Variants in RSU1 observed in about 807,000 individuals in gnomAD.
RSU1 encodes the protein Ras suppressor protein 1, also known as rsu-1.
A neutral mutation model predicts 31.1 loss-of-function variants in RSU1; 26 were observed. The observed-to-expected ratio is 0.84, with a 90% CI of 0.61 to 1.16. The LOEUF (loss-of-function observed/expected upper bound fraction) is 1.16. Ranked by LOEUF, RSU1 falls within the 50% of genes most tolerant of loss-of-function variation. The probability of loss-of-function intolerance (pLI) is 0.00; values close to 1 mark genes in which losing one functional copy is unlikely to be tolerated. For synonymous variants in RSU1, 164 were observed against 136.3 expected, an observed-to-expected ratio of 1.20 and a Z score of -1.41; for missense variants, 320 against 339.1, an observed-to-expected ratio of 0.94 and a Z score of 0.44.
chr10:16,674,371 A>T (rs1835181698), intron 8 of RSU1, among the ~76,000 whole-genome samples: 1 of 151,912 alleles, frequency 6.6e-6, no homozygotes, highest in South Asian at 2.1e-4. Context: ...GGAAACACTG[A>T]AAATGTGTCA....
At chr10:16,700,224 C>T (rs188075647) in intron 7 of RSU1, among the ~76,000 whole-genome samples, 1 of 152,130 alleles carries the variant, frequency 6.6e-6, no homozygotes, top group Non-Finnish European at 1.5e-5. Flanking sequence ...AGTAGCATTC[C>T]CTCCCTTCCT....
chr10:16,722,073 G>A (rs1836274935), intron 7 of RSU1, among the ~76,000 whole-genome samples: 1 of 152,186 alleles, frequency 6.6e-6, no homozygotes, highest in Admixed American at 6.5e-5. Flanking sequence ...GTTGAGTCCA[G>A]TATGAAGAGA....
intron 3 of RSU1, among the ~76,000 whole-genome samples, chr10:16,767,029 A>C (rs1231098344): frequency 1.3e-5 from 2 of 151,544 alleles, no homozygotes; most frequent in Non-Finnish European, 2.9e-5. Flanking sequence ...GTCCAAAAAA[A>C]AAAAAAAAGA....
chr10:16,657,639 T>C (rs1834810336), intron 8 of RSU1, among the ~76,000 whole-genome samples: 1 of 152,198 alleles, frequency 6.6e-6, no homozygotes, highest in African/African-American at 2.4e-5. Context: ...CCTATAATCT[T>C]GTTCAGCTGC....
At chr10:16,808,248 C>G (rs1838318513) in intron 2 of RSU1, among the ~76,000 whole-genome samples, 1 of 151,902 alleles carries the variant, frequency 6.6e-6, no homozygotes, top group South Asian at 2.1e-4. Context: ...GTGGCGAAGG[C>G]AGGTGGATCA....
At chr10:16,691,842 G>A (rs1365563039) in intron 8 of RSU1, among the ~76,000 whole-genome samples, 1 of 148,638 alleles carries the variant, frequency 6.7e-6, no homozygotes, top group Admixed American at 6.8e-5. Context: ...AGGTTCAAGC[G>A]ATTCTCCTGC....
intron 7 of RSU1, chr10:16,726,943 C>G: frequency 2.4e-6 from 1 of 410,142 alleles, no homozygotes; most frequent in South Asian, 1.8e-5. Flanking sequence ...GTTTTATAAA[C>G]AAGATGACAG....
In RSU1 at chr10:16,733,651, A is replaced by G. The variant is rs78488033; in HGVS notation, c.598+18888T>C. On this transcript the variant is annotated intron_variant, in intron 7 of 8. Transcript: ENST00000345264. ...ATTAGGGTTCAAAGAACTGTTATAAAGGCTATAACACGGACCCAAAAATTT... is the reference window on the plus strand; with the variant it reads ...ATTAGGGTTCAAAGAACTGTTATAAGGGCTATAACACGGACCCAAAAATTT... Among the ~76,000 whole-genome samples the G allele has an allele frequency of 1.6e-3, 240 of 152,342 alleles. 7 individuals are homozygous for G. In the East Asian group the frequency reaches 0.042, roughly 27 times the overall value.
At chr10:16,812,549 A>G (rs1258138401) in intron 2 of RSU1, among the ~76,000 whole-genome samples, 1 of 152,248 alleles carries the variant, frequency 6.6e-6, no homozygotes, top group Non-Finnish European at 1.5e-5. Flanking sequence ...GAAGGTCGAC[A>G]TGGATAGCAT....
At chr10:16,709,929 C>G (rs1564327024) in intron 7 of RSU1, among the ~76,000 whole-genome samples, 1 of 152,064 alleles carries the variant, frequency 6.6e-6, no homozygotes. Flanking sequence ...AAATTTTCTC[C>G]CATTCGGTTT....
At position 16,695,157 on chromosome 10, in the gene RSU1, T is replaced by TGA; in HGVS notation, c.599-3_599-2insTC. 1 of 1,202,572 alleles carries TGA rather than the reference T, an allele frequency of 8.3e-7. No individual in the cohort carries two copies. The highest frequency in any genetic ancestry group is 1.1e-6 in the Non-Finnish European group (1 of 890,704). 74.5% of individuals were successfully genotyped at this position (1,202,572 alleles called of 1,614,324 possible). ...TCTGGCCAGTTAAATCCAAGTTTCC[T>TGA]GGGGGGGGGGAAAAAAAAAGTGAAG... is the stretch of plus-strand genomic sequence containing the variant. On this transcript the variant is annotated splice_polypyrimidine_tract_variant and splice_region_variant and intron_variant, in intron 7 of 8. Coordinates refer to ENST00000345264, the MANE Select transcript of RSU1 (RefSeq NM_012425.4).
intron 7 of RSU1, among the ~76,000 whole-genome samples, chr10:16,724,878 G>A (rs186979795): frequency 1.1e-3 from 169 of 152,296 alleles, no homozygotes; most frequent in African/African-American, 3.5e-3. Context: ...TGCAACAATC[G>A]GGATCAATCT....
chr10:16,778,018 CTTT>C (rs10685188), intron 3 of RSU1, among the ~76,000 whole-genome samples: 9 of 117,636 alleles, frequency 7.7e-5, no homozygotes, highest in Non-Finnish European at 3.3e-5. Context: ...GGTCATATAC[CTTT>C]TTTTTTTTTT....
chr10:16,800,490 G>C (rs994874818), intron 2 of RSU1, among the ~76,000 whole-genome samples: 1 of 152,204 alleles, frequency 6.6e-6, no homozygotes, highest in African/African-American at 2.4e-5. Context: ...GTCAAGGAAA[G>C]AATCAGTGAT....
At chr10:16,609,156 G>C (rs1177405786) in intron 8 of RSU1, among the ~76,000 whole-genome samples, 1 of 152,174 alleles carries the variant, frequency 6.6e-6, no homozygotes, top group Non-Finnish European at 1.5e-5. Context: ...CCTAAAATCA[G>C]ATTTTTAAGA....
At chr10:16,756,561 C>A (rs1837090426) in intron 4 of RSU1, among the ~76,000 whole-genome samples, 1 of 152,170 alleles carries the variant, frequency 6.6e-6, no homozygotes, top group African/African-American at 2.4e-5. Context: ...CTTTTCCTTA[C>A]GACTTTCTTA....
In RSU1 at chr10:16,596,145, G is replaced by A. The variant is rs546595748; in HGVS notation, c.732-2649C>T. Among the ~76,000 whole-genome samples, 4 of 152,204 alleles carry A rather than the reference G, an allele frequency of 2.6e-5. No individual in the cohort carries two copies. In the South Asian group the frequency reaches 8.3e-4, roughly 32 times the overall value. On this transcript the variant is annotated intron_variant, in intron 8 of 8. Coordinates refer to ENST00000345264, the MANE Select transcript of RSU1 (RefSeq NM_012425.4). ...GTTTAGATAGGGAGTAAAGTTCAGC[G>A]GGTCCAACCTTGTCTCTGTTGCTGC...
At chr10:16,811,768 G>A (rs1187323997) in intron 2 of RSU1, among the ~76,000 whole-genome samples, 1 of 152,222 alleles carries the variant, frequency 6.6e-6, no homozygotes, top group Non-Finnish European at 1.5e-5. Flanking sequence ...GAAGCCTGCA[G>A]GAAGGAGACA....
chr10:16,631,285 G>A (rs1303839263), intron 8 of RSU1, among the ~76,000 whole-genome samples: 3 of 152,210 alleles, frequency 2.0e-5, no homozygotes, highest in Non-Finnish European at 4.4e-5. Context: ...CCAGAGGGAA[G>A]AATTCAGGGT....
Sources: allele counts gnomAD v4.1 joint callset (sites outside exome capture counted in the v4.1 genomes callset), GRCh38; gene constraint gnomAD v4.1.1; transcripts MANE v1.5; gene names NCBI Gene and HGNC (gene_info 2026-07-23, HGNC 2026-07-21).